SREBF2: variants seen among roughly 807,000 people sequenced by gnomAD.
The protein encoded by SREBF2 is sterol regulatory element binding transcription factor 2.
SREBF2 carries 55 observed loss-of-function variants against 113.1 expected under a neutral mutation model. That is an observed-to-expected ratio of 0.49 (90% CI 0.39 to 0.61). The LOEUF is 0.61. Among genes scored for constraint, SREBF2 ranks in the 20% least tolerant of loss-of-function variants. The probability of loss-of-function intolerance (pLI) is 0.00; values close to 1 mark genes in which losing one functional copy is unlikely to be tolerated. For synonymous variants in SREBF2, 593 were observed against 605.7 expected, an observed-to-expected ratio of 0.98 and a Z score of 0.31; for missense variants, 1,349 against 1,487.4, an observed-to-expected ratio of 0.91 and a Z score of 1.53.
chr22:41,841,680 T>C (rs1332826070), intron 1 of SREBF2, among the ~76,000 whole-genome samples: 1 of 152,236 alleles, frequency 6.6e-6, no homozygotes, highest in Non-Finnish European at 1.5e-5. Context: ...TCCTCAAATT[T>C]GTAATTAAAA....
intron 1 of SREBF2, among the ~76,000 whole-genome samples, chr22:41,841,283 T>A (rs2076828492): frequency 6.6e-6 from 1 of 152,242 alleles, no homozygotes; most frequent in Non-Finnish European, 1.5e-5. Context: ...TGTACCTTTT[T>A]AAAGACATAA....
intron 1 of SREBF2, among the ~76,000 whole-genome samples, chr22:41,845,661 A>G (rs1415084769): frequency 6.6e-6 from 1 of 152,228 alleles, no homozygotes; most frequent in African/African-American, 2.4e-5. Context: ...GGAATTAGAA[A>G]AATCTTCACA....
chr22:41,852,746 T>A (rs1013852062), intron 1 of SREBF2, among the ~76,000 whole-genome samples: 9 of 141,836 alleles, frequency 6.3e-5, no homozygotes, highest in Non-Finnish European at 1.1e-4. Flanking sequence ...TTTTTTTTTT[T>A]TTTTTTTTTT....
At chr22:41,837,191 G>T (rs1008632196) in intron 1 of SREBF2, among the ~76,000 whole-genome samples, 41 of 152,080 alleles carry the variant, frequency 2.7e-4, no homozygotes, top group African/African-American at 9.6e-4. Flanking sequence ...GGAAGTCCAG[G>T]GAGGCTTCTT....
chr22:41,893,307 T>G (rs955622715), intron 12 of SREBF2, 22 bp downstream of exon 12: 2 of 1,613,874 alleles, frequency 1.2e-6, no homozygotes, highest in African/African-American at 2.7e-5. Context: ...TTGGAGCCAT[T>G]CAGAATTGGA....
At chr22:41,886,578 T>C (rs1033285641) in intron 11 of SREBF2, among the ~76,000 whole-genome samples, 6 of 152,152 alleles carry the variant, frequency 3.9e-5, no homozygotes, top group African/African-American at 1.4e-4. Flanking sequence ...CCCACCCACA[T>C]CAAGAAGTAG....
chr22:41,886,593 T>G lies in SREBF2; in HGVS notation c.2208+1582T>G, dbSNP rs540698999. ...CCCACCCACATCAAGAAGTAGAACATTCCCAGCACCCCCAGAAGCCTTCTT... is the reference window on the plus strand; with the variant it reads ...CCCACCCACATCAAGAAGTAGAACAGTCCCAGCACCCCCAGAAGCCTTCTT... On this transcript the variant is annotated intron_variant, in intron 11 of 18. Coordinates refer to ENST00000361204, the MANE Select transcript of SREBF2 (RefSeq NM_004599.4). 2.2e-3 allele frequency among the ~76,000 whole-genome samples: 332 copies of G among 152,256 alleles called. 2 individuals are homozygous for G. Among genetic ancestry groups the G allele is most frequent in the African/African-American group, 7.5e-3 (313 of 41,566 alleles).
At chr22:41,882,149 T>C (rs2077252114) in intron 10 of SREBF2, among the ~76,000 whole-genome samples, 1 of 151,942 alleles carries the variant, frequency 6.6e-6, no homozygotes, top group Admixed American at 6.6e-5. Context: ...AGATTAAAGA[T>C]GAGAGTTGCT....
At chr22:41,902,922 G>C in intron 16 of SREBF2, 48 bp from the exon 17 acceptor site, 2 of 1,574,012 alleles carry the variant, frequency 1.3e-6, no homozygotes, top group South Asian at 2.3e-5. Context: ...CCTTGCCTCA[G>C]GGATGGGCCA....
Position 41,833,559 on chromosome 22 carries a change from C to A in SREBF2, c.88+201C>A. 2.2e-6 allele frequency: 1 copy of A among 453,074 alleles called. No individual in the cohort carries two copies. Among genetic ancestry groups the A allele is most frequent in the Non-Finnish European group, 3.8e-6 (1 of 261,544 alleles). 28.1% of individuals were successfully genotyped at this position (453,074 alleles called of 1,614,324 possible). A position where few individuals can be genotyped will look rare whatever the true frequency, so the allele number is the denominator to read the frequency against. On this transcript the variant is annotated intron_variant, in intron 1 of 18. Coordinates refer to ENST00000361204, the MANE Select transcript of SREBF2 (RefSeq NM_004599.4). This position sits in a 1 kb window ranked among gnomAD's most constrained non-coding sequence, Gnocchi z 4.1. Reference sequence around the variant, plus strand: ...ACCCAGCTGCGCCGCTCCGGGAGGCCGTGGGATCTGGGGCGCCGCGGGGCC... The same window carrying A: ...ACCCAGCTGCGCCGCTCCGGGAGGCAGTGGGATCTGGGGCGCCGCGGGGCC...
In SREBF2 at chr22:41,900,340, G is replaced by C; in HGVS notation, c.2749G>C (p.Val917Leu). Residue 917 changes from valine (V) to leucine (L), a missense_variant, in exon 16 of 19, where the codon GTG becomes CTG. Physicochemically the swap from Val to Leu is conservative, Grantham distance 32. Coordinates refer to ENST00000361204, the MANE Select transcript of SREBF2 (RefSeq NM_004599.4). Reference protein sequence around the residue: ...KALEVTESPLVKAIFHACRAM... With the variant: ...KALEVTESPLLKAIFHACRAM... Reference sequence around the variant, plus strand: ...CTGTCACTGCTGCAGGAGCCCCCTGGTGAAGGCCATCTTCCATGCCTGCAG... The same window carrying C: ...CTGTCACTGCTGCAGGAGCCCCCTGCTGAAGGCCATCTTCCATGCCTGCAG... The C allele has an allele frequency of 6.2e-7, 1 of 1,613,266 alleles. No individual in the cohort carries two copies. The highest frequency in any genetic ancestry group is 8.5e-7 in the Non-Finnish European group (1 of 1,180,038).
chr22:41,889,932 A>T (rs1043644184), intron 11 of SREBF2, among the ~76,000 whole-genome samples: 1 of 152,092 alleles, frequency 6.6e-6, no homozygotes, highest in African/African-American at 2.4e-5. Flanking sequence ...CAGGAGTCAG[A>T]GGTTGCCGTG....
At chr22:41,889,811 G>A (rs1361574004) in intron 11 of SREBF2, among the ~76,000 whole-genome samples, 2 of 151,830 alleles carry the variant, frequency 1.3e-5, no homozygotes, top group African/African-American at 2.4e-5. Flanking sequence ...GACCAGCCTG[G>A]CCAACATGAT....
intron 10 of SREBF2, among the ~76,000 whole-genome samples, chr22:41,882,013 A>C (rs1331939146): frequency 6.6e-6 from 1 of 152,132 alleles, no homozygotes; most frequent in African/African-American, 2.4e-5. Flanking sequence ...TCAAGGCTCC[A>C]GTGAGCCAAG....
At chr22:41,899,284 A>ATT (rs2077443675) in intron 15 of SREBF2, 1 of 1,061,474 alleles carries the variant, frequency 9.4e-7, no homozygotes, top group Admixed American at 4.8e-5. Context: ...CCTGTAACTA[A>ATT]AATAGCCTTT....
At chr22:41,838,867 T>C (rs1243857688) in intron 1 of SREBF2, among the ~76,000 whole-genome samples, 1 of 152,144 alleles carries the variant, frequency 6.6e-6, no homozygotes, top group Non-Finnish European at 1.5e-5. Flanking sequence ...GGATGGGAAG[T>C]GGCCCTCATT....
intron 1 of SREBF2, among the ~76,000 whole-genome samples, chr22:41,852,829 C>T (rs1056442007): frequency 5.6e-5 from 8 of 141,710 alleles, no homozygotes; most frequent in Non-Finnish European, 1.1e-4. Context: ...AGTCTCAGCT[C>T]ACTGCACCCT....
At chr22:41,899,376 A>G in intron 15 of SREBF2, 1 of 1,009,554 alleles carries the variant, frequency 9.9e-7, no homozygotes, top group Non-Finnish European at 1.2e-6. Flanking sequence ...GGCACTAGTG[A>G]TGGGCAGCCC....
At chr22:41,874,103 G>GCT (rs1251184588) in intron 5 of SREBF2, 84 bp downstream of exon 5, 1 of 1,432,714 alleles carries the variant, frequency 7.0e-7, no homozygotes, top group East Asian at 2.3e-5. Flanking sequence ...GAAGTCCCAG[G>GCT]CTCAAGGTAA....
Sources: gnomAD v4.1 joint callset for allele counts (sites outside exome capture counted in the v4.1 genomes callset) on GRCh38, gnomAD v4.1.1 for gene constraint, Gnocchi (gnomAD v3.1) non-coding constraint, MANE v1.5 for transcripts, NCBI Gene and HGNC (gene_info 2026-07-23, HGNC 2026-07-21) for gene names.